The following COLEC12 variants were observed in gnomAD, a reference collection of about 807,000 sequenced individuals.
COLEC12 encodes collectin subfamily member 12, also known as collectin-12.
COLEC12 carries 33 observed loss-of-function variants against 71.1 expected under a neutral mutation model. The observed-to-expected ratio is 0.46, with a 90% CI of 0.35 to 0.62. COLEC12 has a LOEUF of 0.62. Among genes scored for constraint, COLEC12 ranks in the 20% least tolerant of loss-of-function variants. The pLI, the probability that COLEC12 is intolerant of heterozygous loss-of-function variation, is 0.00. For missense variants in COLEC12, 765 were observed against 916.1 expected, an observed-to-expected ratio of 0.84 and a Z score of 2.13; for synonymous variants, 350 against 353.0, an observed-to-expected ratio of 0.99 and a Z score of 0.10.
chr18:407,632 C>T (rs1303770310), intron 2 of COLEC12, among the ~76,000 whole-genome samples: 2 of 152,230 alleles, frequency 1.3e-5, no homozygotes, highest in Admixed American at 6.5e-5. Context: ...AACCCACCCG[C>T]ATTAGGGAAG....
chr18:474,424 G>T (rs1917263879), intron 2 of COLEC12, among the ~76,000 whole-genome samples: 1 of 152,232 alleles, frequency 6.6e-6, no homozygotes. Context: ...ATGGAATGTG[G>T]TGTTGAATCT....
intron 2 of COLEC12, among the ~76,000 whole-genome samples, chr18:463,783 C>A (rs772461791): frequency 1.6e-4 from 24 of 152,226 alleles, no homozygotes; most frequent in Non-Finnish European, 3.1e-4. Flanking sequence ...CAGCCCTCTT[C>A]CCCTAGCCCC....
Position 332,154 on chromosome 18 carries a change from G to A in COLEC12, c.1954-377C>T, listed in dbSNP as rs576981023. Among the ~76,000 whole-genome samples the A allele has an allele frequency of 2.0e-5, 3 of 152,336 alleles. No individual in the cohort carries two copies. In the South Asian group the frequency reaches 6.2e-4, roughly 32 times the overall value. On this transcript the variant is annotated intron_variant, in intron 7 of 9. Coordinates refer to ENST00000400256, the MANE Select transcript of COLEC12 (RefSeq NM_130386.3). ...CTCTGGGCTGGGCCCCACGTGCAGT[G>A]TGTTGCACGCAGTGTGTCTCCAAGC...
intron 2 of COLEC12, among the ~76,000 whole-genome samples, chr18:366,547 T>C (rs1011357340): frequency 5.9e-5 from 9 of 152,224 alleles, no homozygotes; most frequent in South Asian, 2.1e-4. Context: ...ATGATCTTCA[T>C]AGCTACCTCC....
intron 2 of COLEC12, among the ~76,000 whole-genome samples, chr18:396,348 G>T (rs912144740): frequency 6.6e-6 from 1 of 152,180 alleles, no homozygotes; most frequent in Non-Finnish European, 1.5e-5. Context: ...CCTGGTAATT[G>T]CAAACATTTT....
intron 8 of COLEC12, among the ~76,000 whole-genome samples, chr18:323,006 CCTGAGGTCAG>C (rs1357422428): frequency 3.3e-5 from 5 of 152,200 alleles, no homozygotes; most frequent in Non-Finnish European, 1.5e-5. Context: ...AGATGGATCA[CCTGAGGTCAG>C]GAGTTCGAGA....
At chr18:336,305 T>C (rs1914117857) in intron 5 of COLEC12, among the ~76,000 whole-genome samples, 1 of 152,094 alleles carries the variant, frequency 6.6e-6, no homozygotes, top group Non-Finnish European at 1.5e-5. Flanking sequence ...TGCTGCCCAT[T>C]GTGGACAGGT....
intron 2 of COLEC12, among the ~76,000 whole-genome samples, chr18:462,649 C>A (rs1302358341): frequency 2.6e-5 from 4 of 152,144 alleles, no homozygotes; most frequent in African/African-American, 7.2e-5. Flanking sequence ...AACTGGTACA[C>A]CTTAAATGGG....
chr18:344,356 G>GACAGAGCAACTTTAA (rs1287410776), intron 5 of COLEC12, among the ~76,000 whole-genome samples: 2 of 152,162 alleles, frequency 1.3e-5, no homozygotes, highest in African/African-American at 4.8e-5. Flanking sequence ...GCATTCCTCA[G>GACAGAGCAACTTTAA]ACAGAGCAAC....
intron 2 of COLEC12, among the ~76,000 whole-genome samples, chr18:418,515 A>G (rs1269098268): frequency 2.6e-5 from 4 of 152,346 alleles, no homozygotes; most frequent in African/African-American, 9.6e-5. Flanking sequence ...ACTGGGCTGC[A>G]TTCCCAGATG....
Position 334,954 on chromosome 18 carries a change from T to C in COLEC12, c.1604A>G (p.Glu535Gly). ...AGGGCCCTGAGGGCCGGGGAGTCCC[T>C]CTTTGCCTGGTGGGCCCGGGGGGCC... is the stretch of plus-strand genomic sequence containing the variant. ...DPGPPGPPGK[E>G]GLPGPQGPPG... Residue 535 changes from glutamate to glycine, a missense_variant, in exon 6 of 10, where the codon GAG becomes GGG. Glu to Gly is a moderately conservative substitution (Grantham distance 98). Transcript: ENST00000400256. 1 of 1,572,952 alleles carries C rather than the reference T, an allele frequency of 6.4e-7. No individual in the cohort carries two copies. The highest frequency in any genetic ancestry group is 8.6e-7 in the Non-Finnish European group (1 of 1,167,678).
At chr18:381,604 C>A (rs1480687540) in intron 2 of COLEC12, among the ~76,000 whole-genome samples, 1 of 152,092 alleles carries the variant, frequency 6.6e-6, no homozygotes, top group East Asian at 1.9e-4. Context: ...TGTATATATT[C>A]TTTGATATGT....
chr18:451,650 G>A (rs1263799756), intron 2 of COLEC12, among the ~76,000 whole-genome samples: 10 of 152,092 alleles, frequency 6.6e-5, no homozygotes, highest in African/African-American at 2.4e-4. Flanking sequence ...AGGAGGTTGA[G>A]GCAGGAGAAT....
Position 378,195 on chromosome 18 carries a change from C to T in COLEC12, c.59-20673G>A, listed in dbSNP as rs547593060. Among the ~76,000 whole-genome samples the T allele has an allele frequency of 3.3e-4, 51 of 152,242 alleles. No individual in the cohort carries two copies. The South Asian group carries it at 8.5e-3, about 25-fold the overall frequency. ...TGCAGTTACTTGTGGGTGGAATCTC[C>T]CGGGCAGCCAACACATTTCCCAGTG... On this transcript the variant is annotated intron_variant, in intron 2 of 9. Transcript: ENST00000400256.
intron 1 of COLEC12, among the ~76,000 whole-genome samples, chr18:491,791 G>A (rs367784035): frequency 3.3e-4 from 50 of 152,280 alleles, no homozygotes; most frequent in African/African-American, 1.1e-3. Context: ...TTATCTTAAC[G>A]TATTTTGGGC....
chr18:319,016 A>T lies in COLEC12; in HGVS notation c.*1029T>A, dbSNP rs1198941295. Reference sequence around the variant, plus strand: ...GCTCTGTAGGGATCTGATGCCAAGTACAGTCATAGCTCAGCCATGACACAG... The same window carrying T: ...GCTCTGTAGGGATCTGATGCCAAGTTCAGTCATAGCTCAGCCATGACACAG... On this transcript the variant is annotated 3_prime_UTR_variant, in exon 10 of 10. Coordinates refer to ENST00000400256, the MANE Select transcript of COLEC12 (RefSeq NM_130386.3). 3 of 152,150 alleles carry T rather than the reference A, an allele frequency of 2.0e-5. No homozygotes were observed. The highest frequency in any genetic ancestry group is 7.2e-5 in the African/African-American group (3 of 41,420). 9.4% of individuals were successfully genotyped at this position (152,150 alleles called of 1,614,324 possible). A position where few individuals can be genotyped will look rare whatever the true frequency, so the allele number is the denominator to read the frequency against.
rs148760077 is a variant in COLEC12 at position 326,757 on chromosome 18, G to A, written c.2063+4911C>T. 5.3e-5 allele frequency among the ~76,000 whole-genome samples: 8 copies of A among 152,328 alleles called. 2 individuals carry two copies. Among genetic ancestry groups the A allele is most frequent in the African/African-American group, 1.9e-4 (8 of 41,564 alleles). On this transcript the variant is annotated intron_variant, in intron 8 of 9. Transcript: ENST00000400256. ...CACCTGAAAAGAATATGTATTTGCAGATGTTGGGTAAAACATCCCACAAAT... is the reference window on the plus strand; with the variant it reads ...CACCTGAAAAGAATATGTATTTGCAAATGTTGGGTAAAACATCCCACAAAT...
chr18:335,766 C>G (rs1053664809), intron 5 of COLEC12, among the ~76,000 whole-genome samples: 1 of 152,292 alleles, frequency 6.6e-6, no homozygotes, highest in East Asian at 1.9e-4. Flanking sequence ...GCAGCCCAAG[C>G]AAGCCAATAT....
chr18:482,013 AC>A (rs1183230890), intron 1 of COLEC12, among the ~76,000 whole-genome samples: 16 of 151,622 alleles, frequency 1.1e-4, no homozygotes, highest in Admixed American at 9.9e-4. Flanking sequence ...TTCTTTCATC[AC>A]CCACGTAGTG....
Sources: allele counts gnomAD v4.1 joint callset (sites outside exome capture counted in the v4.1 genomes callset), GRCh38; gene constraint gnomAD v4.1.1; transcripts MANE v1.5; gene names NCBI Gene and HGNC (gene_info 2026-07-23, HGNC 2026-07-21).